The following TGM6 variants were observed in gnomAD, a reference collection of about 807,000 sequenced individuals.
The protein encoded by TGM6 is transglutaminase 6.
TGM6 carries 74 observed loss-of-function variants against 77.5 expected under a neutral mutation model. The ratio of observed to expected loss-of-function variants is 0.96; its 90% CI spans 0.79 to 1.16. The LOEUF (loss-of-function observed/expected upper bound fraction) is 1.16, where lower values mean the gene tolerates loss of function less well. Among genes scored for constraint, TGM6 ranks in the 50% most tolerant of loss-of-function variants. The pLI is 0.00. For synonymous variants in TGM6, 383 were observed against 378.9 expected, an observed-to-expected ratio of 1.01 and a Z score of -0.12; for missense variants, 968 against 940.2, an observed-to-expected ratio of 1.03 and a Z score of -0.39.
intron 1 of TGM6, among the ~76,000 whole-genome samples, chr20:2,382,088 G>T (rs2084558946): frequency 6.6e-6 from 1 of 152,192 alleles, no homozygotes; most frequent in East Asian, 1.9e-4. Context: ...GTCTGTGTCT[G>T]CCAGTTTTAA....
chr20:2,403,127 G>A (rs1459873472), intron 7 of TGM6, among the ~76,000 whole-genome samples: 1 of 152,214 alleles, frequency 6.6e-6, no homozygotes. Flanking sequence ...AATGTAAGCA[G>A]CATGAGAGTA....
intron 9 of TGM6, among the ~76,000 whole-genome samples, chr20:2,410,991 A>C (rs1357230945): frequency 6.6e-6 from 1 of 152,220 alleles, no homozygotes. Flanking sequence ...AACTTCCCAC[A>C]AAGAAATAAT....
chr20:2,394,522 C>T lies in TGM6; in HGVS notation c.78C>T (p.Pro26=), dbSNP rs2084649099. The T allele has an allele frequency of 2.5e-6, 4 of 1,611,854 alleles. No individual in the cohort carries two copies. Among genetic ancestry groups the T allele is most frequent in the Non-Finnish European group, 3.4e-6 (4 of 1,179,848 alleles). ...CTGCCCACCACACCCAGGAGTACCC[C>T]TGCCCTGAGCTGGTGGTTCGCAGGG... is the stretch of plus-strand genomic sequence containing the variant. The part of the protein sequence containing the change: ...NGAAHHTQEY[P]CPELVVRRGQ... The change falls in exon 2 of 13, where the codon CCC becomes CCT. Residue 26 remains proline (P), a synonymous_variant. Transcript: ENST00000202625.
At chr20:2,402,088 T>TA (rs2084714272) in intron 7 of TGM6, among the ~76,000 whole-genome samples, 2 of 151,106 alleles carry the variant, frequency 1.3e-5, no homozygotes, top group East Asian at 2.0e-4. Context: ...AAATAAAAAT[T>TA]AAAAAAAATT....
intron 7 of TGM6, among the ~76,000 whole-genome samples, chr20:2,402,891 T>C (rs1007277991): frequency 2.0e-5 from 3 of 152,220 alleles, no homozygotes; most frequent in Non-Finnish European, 2.9e-5. Context: ...TTGTCTCACT[T>C]AGGACCTTTG....
intron 10 of TGM6, among the ~76,000 whole-genome samples, chr20:2,426,016 A>G (rs2084885454): frequency 6.6e-6 from 1 of 152,184 alleles, no homozygotes; most frequent in South Asian, 2.1e-4. Context: ...CCACCCACAC[A>G]TAAAGTTTGG....
At chr20:2,411,600 T>C (rs539104542) in intron 9 of TGM6, among the ~76,000 whole-genome samples, 1 of 152,302 alleles carries the variant, frequency 6.6e-6, no homozygotes, top group East Asian at 1.9e-4. Context: ...GACCAAGATG[T>C]CCTTTTTTGT....
At chr20:2,404,366 T>A (rs1278181428) in intron 9 of TGM6, among the ~76,000 whole-genome samples, 2 of 152,210 alleles carry the variant, frequency 1.3e-5, no homozygotes, top group African/African-American at 2.4e-5. Context: ...CTATATACTT[T>A]AAAAATCTCC....
rs1467507321 is a variant in TGM6, at chr20:2,432,607, G to A, written c.2085G>A (p.Lys695=). 5.0e-6 allele frequency: 8 copies of A among 1,614,156 alleles called. No individual in the cohort carries two copies. Among genetic ancestry groups the A allele is most frequent in the Non-Finnish European group, 6.8e-6 (8 of 1,180,032 alleles). ...TAAGCCCTCACTTCCCGGACATCAAGGGCTTTGTGATCGTCCATGTGGCCA... is the reference window on the plus strand; with the variant it reads ...TAAGCCCTCACTTCCCGGACATCAAAGGCTTTGTGATCGTCCATGTGGCCA... The part of the protein sequence containing the change: ...DLVSPHFPDI[K]GFVIVHVATA... The change falls in exon 13 of 13, where the codon AAG becomes AAA. Residue 695 remains lysine (K), a synonymous_variant. Coordinates refer to ENST00000202625, the MANE Select transcript of TGM6 (RefSeq NM_198994.3).
intron 9 of TGM6, among the ~76,000 whole-genome samples, chr20:2,415,255 C>G (rs2084808058): frequency 6.6e-6 from 1 of 152,096 alleles, no homozygotes; most frequent in Admixed American, 6.5e-5. Context: ...AAGTGACCAC[C>G]AAGTGATCAG....
At chr20:2,390,582 T>C (rs2122335868) in intron 1 of TGM6, among the ~76,000 whole-genome samples, 1 of 152,342 alleles carries the variant, frequency 6.6e-6, no homozygotes, top group East Asian at 1.9e-4. Context: ...GATTCACTAA[T>C]GAACAAAACA....
chr20:2,429,284 G>GC (rs2084908222), intron 10 of TGM6, among the ~76,000 whole-genome samples: 1 of 152,048 alleles, frequency 6.6e-6, no homozygotes, highest in Admixed American at 6.6e-5. Flanking sequence ...GTAGCAGAGC[G>GC]CATGAGCCAA....
chr20:2,395,330 T>G lies in TGM6; in HGVS notation c.318T>G (p.Ser106Arg). Residue 106 changes from serine to arginine, a missense_variant, in exon 3 of 13, where the codon AGT becomes AGG. Physicochemically the swap from Ser to Arg is moderately radical, Grantham distance 110 (BLOSUM62 -1). Transcript: ENST00000202625. The part of the protein sequence containing the change: ...TLTVSLASPP[S>R]AVIGRYLLSI... ...CCGTCAGTCTCGCCAGCCCTCCCAG[T>G]GCTGTCATTGGCCGCTACCTGCTGA... The G allele has an allele frequency of 1.2e-6, 2 of 1,614,198 alleles. No homozygotes were observed. The highest frequency in any genetic ancestry group is 1.7e-6 in the Non-Finnish European group (2 of 1,180,034).
At chr20:2,425,488 ATGAAGCACAGTAAAATAAGG>A (rs1451479438) in intron 10 of TGM6, among the ~76,000 whole-genome samples, 1 of 152,240 alleles carries the variant, frequency 6.6e-6, no homozygotes, top group African/African-American at 2.4e-5. Context: ...GTACAATAAA[ATGAAGCACAGTAAAATAAGG>A]TATGCCTGTC....
chr20:2,422,223 G>A (rs530879263), intron 10 of TGM6, among the ~76,000 whole-genome samples: 1 of 152,240 alleles, frequency 6.6e-6, no homozygotes, highest in Non-Finnish European at 1.5e-5. Context: ...TTTACATTTA[G>A]GTCAATGATT....
At position 2,399,777 on chromosome 20, in the gene TGM6, C is replaced by T. The variant is rs762129188; in HGVS notation, c.850+39C>T. On this transcript the variant is annotated intron_variant, in intron 6 of 12. Coordinates refer to ENST00000202625, the MANE Select transcript of TGM6 (RefSeq NM_198994.3). The stretch of plus-strand genomic sequence containing the variant: ...GAAGGGCCCCAGGGTACCTGTGCCC[C>T]CAGCTTCCTCTATCTAAATGTATTT... 4 of 1,549,502 alleles carry T rather than the reference C, an allele frequency of 2.6e-6. No individual in the cohort carries two copies. In the Admixed American group the frequency reaches 5.6e-5, roughly 22 times the overall value.
Position 2,430,461 on chromosome 20 carries a change from T to C in TGM6, c.1694T>C (p.Ile565Thr). The C allele has an allele frequency of 1.2e-6, 2 of 1,614,136 alleles. No individual in the cohort carries two copies. Among genetic ancestry groups the C allele is most frequent in the Non-Finnish European group, 1.7e-6 (2 of 1,180,028 alleles). ...LGPQEEKRIP[I>T]TISYSKYKED... ...TCCCTTCCAGAGAAGAGAATCCCAA[T>C]TACAATATCTTACTCTAAGTATAAA... The change falls in exon 11 of 13, where the codon ATT becomes ACT. Residue 565 changes from isoleucine (I) to threonine (T), a missense_variant. By Grantham distance (89) the Ile-to-Thr change is moderately conservative. Transcript: ENST00000202625.
chr20:2,424,491 A>G (rs2084875432), intron 10 of TGM6, among the ~76,000 whole-genome samples: 1 of 152,222 alleles, frequency 6.6e-6, no homozygotes, highest in Non-Finnish European at 1.5e-5. Context: ...CAATCCTTAT[A>G]GAATTGAAGA....
rs142406714 is a variant in TGM6 at position 2,430,472 on chromosome 20, T to A, written c.1705T>A (p.Tyr569Asn). The A allele has an allele frequency of 7.4e-5, 120 of 1,614,186 alleles. No homozygotes were observed. In the African/African-American group the frequency reaches 1.3e-3, roughly 18 times the overall value. ...EEKRIPITIS[Y>N]SKYKEDLTED... Reference sequence around the variant, plus strand: ...GAAGAGAATCCCAATTACAATATCTTACTCTAAGTATAAAGAAGACCTGAC... The same window carrying A: ...GAAGAGAATCCCAATTACAATATCTAACTCTAAGTATAAAGAAGACCTGAC... The change falls in exon 11 of 13, where the codon TAC becomes AAC. Residue 569 changes from tyrosine to asparagine, a missense_variant. Physicochemically the swap from Tyr to Asn is moderately radical, Grantham distance 143. Transcript: ENST00000202625.
Sources: allele counts gnomAD v4.1 joint callset (sites outside exome capture counted in the v4.1 genomes callset), GRCh38; gene constraint gnomAD v4.1.1; transcripts MANE v1.5; gene names NCBI Gene and HGNC (gene_info 2026-07-23, HGNC 2026-07-21).